The following CAMK1D variants were observed in gnomAD, a reference collection of about 807,000 sequenced individuals.
The protein encoded by CAMK1D is calcium/calmodulin-dependent protein kinase type 1D.
CAMK1D carries 9 observed loss-of-function variants against 47.7 expected under a neutral mutation model. The observed-to-expected ratio is 0.19, with a 90% CI of 0.11 to 0.33. The LOEUF (loss-of-function observed/expected upper bound fraction) is 0.33. Among genes scored for constraint, CAMK1D ranks in the 10% least tolerant of loss-of-function variants. The pLI is 1.00. For missense variants in CAMK1D, 291 were observed against 488.7 expected (o/e 0.60, Z 3.81); for synonymous variants, 184 against 184.9 (o/e 0.99, Z 0.04).
intron 3 of CAMK1D, among the ~76,000 whole-genome samples, chr10:12,734,346 ATATATATATATAT>A (rs1172879268): frequency 2.6e-3 from 12 of 4,570 alleles, no homozygotes; most frequent in African/African-American, 4.1e-3. Flanking sequence ...AAAAAAAAAA[ATATATATATATAT>A]ATATATATAT....
At chr10:12,436,867 C>T (rs1192303362) in intron 1 of CAMK1D, among the ~76,000 whole-genome samples, 6 of 152,186 alleles carry the variant, frequency 3.9e-5, no homozygotes, top group South Asian at 4.1e-4. Flanking sequence ...ATTCGCTCCA[C>T]GGACTCACAG....
chr10:12,407,510 G>A (rs994935996), intron 1 of CAMK1D, among the ~76,000 whole-genome samples: 1 of 152,062 alleles, frequency 6.6e-6, no homozygotes, highest in African/African-American at 2.4e-5. Context: ...CTGACTCTAG[G>A]TCCCTTCTCT....
At chr10:12,593,393 C>T (rs909644086) in intron 2 of CAMK1D, among the ~76,000 whole-genome samples, 3 of 152,160 alleles carry the variant, frequency 2.0e-5, no homozygotes, top group Non-Finnish European at 4.4e-5. Context: ...AGTTCAACAC[C>T]AGCCTGGTCA....
At chr10:12,694,057 T>TACATA (rs1833068125) in intron 3 of CAMK1D, among the ~76,000 whole-genome samples, 1 of 54,736 alleles carries the variant, frequency 1.8e-5, no homozygotes, top group Non-Finnish European at 2.9e-5. Context: ...ATATATATTA[T>TACATA]ATATATAATA....
At chr10:12,621,918 G>A (rs1163848390) in intron 2 of CAMK1D, among the ~76,000 whole-genome samples, 1 of 152,080 alleles carries the variant, frequency 6.6e-6, no homozygotes, top group African/African-American at 2.4e-5. Context: ...GAAGGGAGTG[G>A]GTATTGCCTT....
intron 3 of CAMK1D, among the ~76,000 whole-genome samples, chr10:12,704,813 G>A (rs1278489966): frequency 6.6e-6 from 1 of 152,124 alleles, no homozygotes; most frequent in African/African-American, 2.4e-5. Context: ...ATTTCTTATT[G>A]TATGAGTATA....
intron 1 of CAMK1D, among the ~76,000 whole-genome samples, chr10:12,547,021 CTG>C (rs1162679783): frequency 1.3e-5 from 2 of 152,038 alleles, no homozygotes; most frequent in Non-Finnish European, 2.9e-5. Context: ...GGGGCTCAGA[CTG>C]TGGAAACAGC....
intron 1 of CAMK1D, among the ~76,000 whole-genome samples, chr10:12,394,048 G>T (rs1425426707): frequency 6.6e-6 from 1 of 152,218 alleles, no homozygotes; most frequent in African/African-American, 2.4e-5. Context: ...CCTAGGTTGC[G>T]GCTCGTGCTT....
intron 4 of CAMK1D, among the ~76,000 whole-genome samples, chr10:12,767,905 T>G (rs1836851062): frequency 1.3e-5 from 2 of 152,202 alleles, no homozygotes; most frequent in South Asian, 4.1e-4. Context: ...GGAGTTTCAC[T>G]CTTGTCATCC....
rs6143785 is a variant in CAMK1D, at chr10:12,830,965, A to ACAC, written c.*2078_*2079insCAC. 2 of 117,710 alleles carry ACAC rather than the reference A, an allele frequency of 1.7e-5. No homozygotes were observed. Among genetic ancestry groups the ACAC allele is most frequent in the East Asian group, 4.2e-4 (2 of 4,724 alleles). The allele number at this position is 117,710 out of a possible 1,614,324, so 7.3% of individuals were successfully genotyped here. The stretch of plus-strand genomic sequence containing the variant: ...CACACACACACACACACACACACAC[A>ACAC]ATGTTATTAGGCACAGCAGCTCCAT... On this transcript the variant is annotated 3_prime_UTR_variant, in exon 11 of 11. Coordinates refer to ENST00000619168, the MANE Select transcript of CAMK1D (RefSeq NM_153498.4).
At chr10:12,478,544 G>A (rs144992616) in intron 1 of CAMK1D, among the ~76,000 whole-genome samples, 2 of 151,852 alleles carry the variant, frequency 1.3e-5, no homozygotes, top group Admixed American at 1.3e-4. Flanking sequence ...TGGCCCCAAC[G>A]AGTCCCAGCA....
At chr10:12,617,245 T>C (rs890842942) in intron 2 of CAMK1D, among the ~76,000 whole-genome samples, 2 of 152,190 alleles carry the variant, frequency 1.3e-5, no homozygotes, top group African/African-American at 4.8e-5. Context: ...GGTGCTGTTA[T>C]TTTATTTTAA....
intron 6 of CAMK1D, among the ~76,000 whole-genome samples, chr10:12,793,730 A>G (rs1459481771): frequency 2.6e-5 from 4 of 152,220 alleles, no homozygotes; most frequent in African/African-American, 7.2e-5. Flanking sequence ...CAGGATCATC[A>G]TGGTTGGCCA....
At chr10:12,490,408 G>A (rs1348391882) in intron 1 of CAMK1D, among the ~76,000 whole-genome samples, 1 of 152,156 alleles carries the variant, frequency 6.6e-6, no homozygotes, top group Non-Finnish European at 1.5e-5. Flanking sequence ...TTAATGGGAA[G>A]ACAGGATAGT....
chr10:12,617,348 A>G (rs1484480577), intron 2 of CAMK1D, among the ~76,000 whole-genome samples: 1 of 152,236 alleles, frequency 6.6e-6, no homozygotes, highest in South Asian at 2.1e-4. Context: ...AAGAACACTC[A>G]TAACTCCACT....
intron 3 of CAMK1D, among the ~76,000 whole-genome samples, chr10:12,693,990 CATATAATATATATAATATATATTAAATAT>C (rs1564497708): frequency 4.3e-5 from 2 of 46,886 alleles, no homozygotes; most frequent in East Asian, 1.6e-3. Context: ...ATTATATATA[CATATAATATATATAATATATATTAAATAT>C]ATATAATATA....
chr10:12,592,482 G>C (rs1350921924), intron 2 of CAMK1D, among the ~76,000 whole-genome samples: 1 of 152,168 alleles, frequency 6.6e-6, no homozygotes, highest in Admixed American at 6.5e-5. Flanking sequence ...GAAATGACAT[G>C]GCCAGCGTGG....
chr10:12,447,254 G>GCCAA (rs1832950157), intron 1 of CAMK1D, among the ~76,000 whole-genome samples: 1 of 152,142 alleles, frequency 6.6e-6, no homozygotes, highest in South Asian at 2.1e-4. Context: ...GTATTGGAAG[G>GCCAA]CCAACAACAA....
chr10:12,658,155 A>C (rs538909698), intron 2 of CAMK1D, among the ~76,000 whole-genome samples: 17 of 152,040 alleles, frequency 1.1e-4, no homozygotes, highest in South Asian at 4.2e-4. Flanking sequence ...CTCAAAAAAA[A>C]CAAAGAACTG....
Sources: allele counts gnomAD v4.1 joint callset (sites outside exome capture counted in the v4.1 genomes callset), GRCh38; gene constraint gnomAD v4.1.1; transcripts MANE v1.5; gene names NCBI Gene and HGNC (gene_info 2026-07-23, HGNC 2026-07-21).